Variants in ATP9B observed in about 807,000 individuals in gnomAD.
The protein encoded by ATP9B is probable phospholipid-transporting ATPase IIB.
In ATP9B, 110 loss-of-function variants were observed where a neutral mutation model predicts 146.1. That is an observed-to-expected ratio of 0.75 (90% CI 0.65 to 0.88). ATP9B has a LOEUF of 0.88. ATP9B is among the 40% of genes least tolerant of loss of function. The pLI is 0.00. For missense variants in ATP9B, 1,499 were observed against 1,496.4 expected, an observed-to-expected ratio of 1.00 and a Z score of -0.03; for synonymous variants, 604 against 569.7, an observed-to-expected ratio of 1.06 and a Z score of -0.86.
chr18:79,264,248 A>G (rs2096177581), intron 12 of ATP9B, among the ~76,000 whole-genome samples: 1 of 152,242 alleles, frequency 6.6e-6, no homozygotes, highest in African/African-American at 2.4e-5. Flanking sequence ...GCAACACTTA[A>G]TATAAGTGGG....
intron 5 of ATP9B, among the ~76,000 whole-genome samples, chr18:79,128,331 T>A (rs2094322980): frequency 6.6e-6 from 1 of 152,222 alleles, no homozygotes; most frequent in Admixed American, 6.5e-5. Flanking sequence ...GTGCTGGGAT[T>A]ACAGGCGTGA....
chr18:79,071,884 G>GTTTT (rs375351848), intron 1 of ATP9B, among the ~76,000 whole-genome samples: 1 of 79,868 alleles, frequency 1.3e-5, no homozygotes, highest in South Asian at 5.6e-4. Context: ...TTCATGTTTG[G>GTTTT]TTTTGTTTTT....
chr18:79,147,588 G>T (rs1265606182), intron 6 of ATP9B, among the ~76,000 whole-genome samples: 1 of 152,070 alleles, frequency 6.6e-6, no homozygotes, highest in African/African-American at 2.4e-5. Flanking sequence ...TAATTTATAG[G>T]ATAGGTAGTC....
chr18:79,169,083 C>A (rs1161559442), intron 7 of ATP9B, among the ~76,000 whole-genome samples: 1 of 152,094 alleles, frequency 6.6e-6, no homozygotes, highest in Admixed American at 6.5e-5. Flanking sequence ...AGACCTGATA[C>A]AGGCTGTTGT....
intron 17 of ATP9B, among the ~76,000 whole-genome samples, chr18:79,336,089 G>A (rs1600138219): frequency 4.3e-5 from 6 of 140,376 alleles, no homozygotes; most frequent in Admixed American, 2.8e-4. Flanking sequence ...CCCCAGCACC[G>A]CCGTGTGCAC....
chr18:79,175,234 C>T (rs2095145946), intron 7 of ATP9B, among the ~76,000 whole-genome samples: 1 of 147,722 alleles, frequency 6.8e-6, no homozygotes, highest in African/African-American at 2.5e-5. Flanking sequence ...AACATCAAAA[C>T]TTTTGAAACC....
chr18:79,162,528 T>C (rs1387432077), intron 7 of ATP9B, among the ~76,000 whole-genome samples: 1 of 152,206 alleles, frequency 6.6e-6, no homozygotes, highest in African/African-American at 2.4e-5. Flanking sequence ...AGTGATGACA[T>C]TATACTTTAA....
intron 12 of ATP9B, chr18:79,253,758 A>T: frequency 2.3e-6 from 1 of 435,648 alleles, no homozygotes; most frequent in Non-Finnish European, 4.0e-6. Context: ...TACTTTCCTG[A>T]TAGTGAATGT....
At chr18:79,252,797 C>CTTT (rs58656067) in intron 11 of ATP9B, among the ~76,000 whole-genome samples, 4 of 137,436 alleles carry the variant, frequency 2.9e-5, no homozygotes, top group African/African-American at 1.1e-4. Flanking sequence ...CTAACTATTG[C>CTTT]TTTTTTTTTT....
At chr18:79,153,070 T>C (rs935210453) in intron 6 of ATP9B, among the ~76,000 whole-genome samples, 26 of 152,304 alleles carry the variant, frequency 1.7e-4, no homozygotes, top group African/African-American at 6.0e-4. Context: ...TTTTTTCCCC[T>C]AGTGTTAGAA....
chr18:79,313,876 T>C (rs1012721025), intron 15 of ATP9B, among the ~76,000 whole-genome samples: 1 of 152,188 alleles, frequency 6.6e-6, no homozygotes, highest in African/African-American at 2.4e-5. Flanking sequence ...AATCTGAAAA[T>C]GAAAACAATA....
Position 79,364,723 on chromosome 18 carries a change from A to G in ATP9B, c.3012+5261A>G, listed in dbSNP as rs954170715. ...AAAAAATAATAAATTAGACTTTACC[A>G]TAATTTAAAAGTTTTGGCCAGGTGC... On this transcript the variant is annotated intron_variant, in intron 26 of 29. Coordinates refer to ENST00000426216, the MANE Select transcript of ATP9B (RefSeq NM_198531.5). Among the ~76,000 whole-genome samples the G allele has an allele frequency of 6.6e-5, 10 of 152,256 alleles. No individual in the cohort carries two copies. In the East Asian group the frequency reaches 1.9e-3, roughly 29 times the overall value.
intron 1 of ATP9B, among the ~76,000 whole-genome samples, chr18:79,072,255 T>C (rs912679477): frequency 1.3e-5 from 2 of 152,038 alleles, no homozygotes; most frequent in Non-Finnish European, 2.9e-5. Context: ...CAGATAAACA[T>C]GTGAACAAAG....
At chr18:79,347,646 T>G (rs2147549905) in intron 23 of ATP9B, 124 bp from the exon 24 acceptor site, 1 of 1,205,106 alleles carries the variant, frequency 8.3e-7, no homozygotes. Flanking sequence ...AGCTGAAGCT[T>G]TACAAGTTCT....
chr18:79,121,273 C>T (rs1258124358), intron 4 of ATP9B, among the ~76,000 whole-genome samples: 1 of 152,202 alleles, frequency 6.6e-6, no homozygotes, highest in African/African-American at 2.4e-5. Flanking sequence ...GTGGACAAGC[C>T]ACGTGAGAAG....
chr18:79,190,836 G>A lies in ATP9B; in HGVS notation c.874-2347G>A, dbSNP rs865937389. On this transcript the variant is annotated intron_variant, in intron 8 of 29. Transcript: ENST00000426216. ...GCTGGGATTACAGGCATGAGCCACCGTGCCTGGCCCATTTTATTTATATTT... is the reference window on the plus strand; with the variant it reads ...GCTGGGATTACAGGCATGAGCCACCATGCCTGGCCCATTTTATTTATATTT... Among the ~76,000 whole-genome samples the A allele has an allele frequency of 3.3e-5, 5 of 152,160 alleles. 1 individual carries two copies. Among genetic ancestry groups the A allele is most frequent in the East Asian group, 1.9e-4 (1 of 5,184 alleles).
At chr18:79,198,711 A>G (rs2095439125) in intron 9 of ATP9B, among the ~76,000 whole-genome samples, 1 of 152,224 alleles carries the variant, frequency 6.6e-6, no homozygotes, top group Non-Finnish European at 1.5e-5. Context: ...TAGAAAAGGT[A>G]CAGTAAAAAA....
chr18:79,160,141 G>A (rs1238341203), intron 7 of ATP9B, among the ~76,000 whole-genome samples: 1 of 152,102 alleles, frequency 6.6e-6, no homozygotes, highest in African/African-American at 2.4e-5. Context: ...TTCTAATGTG[G>A]TGTTTTAATT....
chr18:79,292,156 T>A (rs771777623), intron 13 of ATP9B, among the ~76,000 whole-genome samples: 12 of 152,260 alleles, frequency 7.9e-5, no homozygotes, highest in Non-Finnish European at 1.5e-4. Context: ...ACATGGGTTG[T>A]TTCTACTTTT....
Sources: allele counts gnomAD v4.1 joint callset (sites outside exome capture counted in the v4.1 genomes callset), GRCh38; gene constraint gnomAD v4.1.1; transcripts MANE v1.5; gene names NCBI Gene and HGNC (gene_info 2026-07-23, HGNC 2026-07-21).